ANKFN1: variants seen among roughly 807,000 people sequenced by gnomAD.
The protein encoded by ANKFN1 is ankyrin repeat and fibronectin type-III domain-containing protein 1.
ANKFN1 carries 74 observed loss-of-function variants against 108.7 expected under a neutral mutation model. That is an observed-to-expected ratio of 0.68 (90% CI 0.56 to 0.83). The LOEUF (loss-of-function observed/expected upper bound fraction) is 0.83. ANKFN1 is among the 40% of genes least tolerant of loss of function. The pLI is 0.00. For synonymous variants in ANKFN1, 547 were observed against 516.2 expected (o/e 1.06, Z -0.81); for missense variants, 1,505 against 1,382.3 (o/e 1.09, Z -1.41).
At chr17:56,094,063 A>G (rs1905470488) in intron 4 of ANKFN1, among the ~76,000 whole-genome samples, 1 of 151,314 alleles carries the variant, frequency 6.6e-6, no homozygotes, top group Non-Finnish European at 1.5e-5. Context: ...ACACCGTATG[A>G]CCATAAAGGC....
intron 4 of ANKFN1, among the ~76,000 whole-genome samples, chr17:56,345,462 C>T (rs758899050): frequency 3.9e-5 from 6 of 152,104 alleles, no homozygotes; most frequent in Admixed American, 2.0e-4. Context: ...CTTGAGGAAT[C>T]ACCACACTGT....
intron 10 of ANKFN1, among the ~76,000 whole-genome samples, chr17:56,446,569 A>G (rs781204740): frequency 2.6e-5 from 4 of 152,174 alleles, no homozygotes; most frequent in Admixed American, 2.6e-4. Context: ...ACCAACATTT[A>G]ACGAGTCTGC....
chr17:56,268,292 G>A (rs767652813), intron 3 of ANKFN1, among the ~76,000 whole-genome samples: 13 of 152,190 alleles, frequency 8.5e-5, no homozygotes, highest in Admixed American at 3.3e-4. Flanking sequence ...AAAGCCATAC[G>A]ATGATGTGGA....
At chr17:56,133,518 A>T (rs188124754) in intron 4 of ANKFN1, among the ~76,000 whole-genome samples, 1 of 146,714 alleles carries the variant, frequency 6.8e-6, no homozygotes, top group East Asian at 2.0e-4. Flanking sequence ...ACCATTTGGG[A>T]TGTGTATACC....
At chr17:56,384,289 TA>T (rs1310582591) in intron 8 of ANKFN1, among the ~76,000 whole-genome samples, 2 of 152,270 alleles carry the variant, frequency 1.3e-5, no homozygotes, top group East Asian at 3.9e-4. Flanking sequence ...CCCTTCATGC[TA>T]AAAACTCTCA....
At chr17:56,223,906 G>C (rs1327878438) in intron 2 of ANKFN1, among the ~76,000 whole-genome samples, 2 of 152,152 alleles carry the variant, frequency 1.3e-5, no homozygotes, top group African/African-American at 4.8e-5. Flanking sequence ...CCTCCAATAA[G>C]CACAACAATC....
At chr17:56,096,986 A>G (rs1251136046) in intron 4 of ANKFN1, among the ~76,000 whole-genome samples, 1 of 152,218 alleles carries the variant, frequency 6.6e-6, no homozygotes, top group African/African-American at 2.4e-5. Context: ...GCCAGAGGCC[A>G]TTATCCTAAG....
intron 3 of ANKFN1, among the ~76,000 whole-genome samples, chr17:56,245,493 G>C (rs1917894867): frequency 6.6e-6 from 1 of 152,002 alleles, no homozygotes; most frequent in South Asian, 2.1e-4. Context: ...TGCTAGTTTT[G>C]ACAATTGATT....
At chr17:56,200,935 A>G (rs1312695949) in intron 1 of ANKFN1, among the ~76,000 whole-genome samples, 1 of 152,196 alleles carries the variant, frequency 6.6e-6, no homozygotes, top group Non-Finnish European at 1.5e-5. Flanking sequence ...AGCATTGCAT[A>G]AAAGGATTAA....
intron 4 of ANKFN1, among the ~76,000 whole-genome samples, chr17:56,051,881 C>T (rs1346139053): frequency 6.6e-6 from 1 of 150,654 alleles, no homozygotes; most frequent in Non-Finnish European, 1.5e-5. Context: ...AGGACCTCTT[C>T]AAGGAGAACT....
chr17:56,403,271 A>C (rs1205354105), intron 8 of ANKFN1, among the ~76,000 whole-genome samples: 5 of 152,052 alleles, frequency 3.3e-5, no homozygotes, highest in Non-Finnish European at 7.4e-5. Context: ...TGTCTTGATG[A>C]CCTATCTAGA....
In ANKFN1 at chr17:56,499,063, C is replaced by T; in HGVS notation, c.2609C>T (p.Pro870Leu). The T allele has an allele frequency of 6.5e-7, 1 of 1,535,624 alleles. No homozygotes were observed. The highest frequency in any genetic ancestry group is 1.7e-4 in the Middle Eastern group (1 of 5,982). Residue 870 changes from proline to leucine, a missense_variant, in exon 20 of 21, where the codon CCA becomes CTA. Pro to Leu is a moderately conservative substitution (Grantham distance 98, BLOSUM62 -3). Coordinates refer to ENST00000682825, the MANE Select transcript of ANKFN1 (RefSeq NM_001370326.1). ...SHIDCLPSPP[P>L]SPEMHRRKTV... The stretch of plus-strand genomic sequence containing the variant: ...ATAGACTGTCTTCCATCCCCACCCC[C>T]ATCCCCAGAGATGCACAGAAGAAAG...
intron 3 of ANKFN1, among the ~76,000 whole-genome samples, chr17:56,234,731 T>C (rs1336659513): frequency 6.6e-6 from 1 of 152,210 alleles, no homozygotes; most frequent in East Asian, 1.9e-4. Flanking sequence ...ATGTACCACA[T>C]TTTCTTTATC....
At chr17:56,328,368 C>G (rs1027722592) in intron 4 of ANKFN1, among the ~76,000 whole-genome samples, 11 of 152,150 alleles carry the variant, frequency 7.2e-5, no homozygotes, top group Admixed American at 5.9e-4. Context: ...AGTATTAGGG[C>G]ACCTGAAATT....
At chr17:56,283,801 G>C (rs2044148797) in intron 3 of ANKFN1, among the ~76,000 whole-genome samples, 1 of 151,928 alleles carries the variant, frequency 6.6e-6, no homozygotes, top group Admixed American at 6.6e-5. Flanking sequence ...ACACTGCTCA[G>C]GTGATGGGTG....
chr17:56,467,190 A>G (rs1353289515), intron 15 of ANKFN1, among the ~76,000 whole-genome samples: 1 of 152,208 alleles, frequency 6.6e-6, no homozygotes, highest in Non-Finnish European at 1.5e-5. Flanking sequence ...TATAATCAAA[A>G]CATTAAACCA....
At chr17:56,434,290 T>C (rs2048858169) in intron 8 of ANKFN1, among the ~76,000 whole-genome samples, 1 of 151,576 alleles carries the variant, frequency 6.6e-6, no homozygotes, top group East Asian at 1.9e-4. Context: ...TGGCAGAACC[T>C]GCCAATAAAT....
chr17:56,327,204 C>T (rs1426741245), intron 4 of ANKFN1, among the ~76,000 whole-genome samples: 1 of 152,148 alleles, frequency 6.6e-6, no homozygotes, highest in African/African-American at 2.4e-5. Context: ...GTAGGCCAAC[C>T]TCAGCAGATA....
upstream of ANKFN1, among the ~76,000 whole-genome samples, chr17:56,152,214 G>C (rs1357411216): frequency 6.6e-6 from 1 of 151,392 alleles, no homozygotes; most frequent in Non-Finnish European, 1.5e-5. Flanking sequence ...TGGAAGATGA[G>C]TAATATAAGA....
Sources: gnomAD v4.1 joint callset for allele counts (sites outside exome capture counted in the v4.1 genomes callset) on GRCh38, gnomAD v4.1.1 for gene constraint, MANE v1.5 for transcripts, NCBI Gene and HGNC (gene_info 2026-07-23, HGNC 2026-07-21) for gene names.